The following KIAA1328 variants were observed in gnomAD, a reference collection of about 807,000 sequenced individuals.
The protein encoded by KIAA1328 is protein hinderin.
In KIAA1328, 52 loss-of-function variants were observed where a neutral mutation model predicts 68.1. The observed-to-expected ratio is 0.76, with a 90% CI of 0.61 to 0.96. KIAA1328 has a LOEUF of 0.96. Ranked by LOEUF, KIAA1328 falls within the 40% of genes least tolerant of loss-of-function variation. The pLI is 0.00. For missense variants in KIAA1328, 641 were observed against 677.6 expected (o/e 0.95, Z 0.60); for synonymous variants, 232 against 239.4 (o/e 0.97, Z 0.28).
intron 5 of KIAA1328, among the ~76,000 whole-genome samples, chr18:36,934,399 T>C (rs1037157561): frequency 8.5e-5 from 13 of 152,130 alleles, no homozygotes; most frequent in African/African-American, 2.9e-4. Flanking sequence ...CATGCTGGTG[T>C]GCTGCACCCA....
chr18:37,151,764 G>A (rs75578848), intron 7 of KIAA1328, among the ~76,000 whole-genome samples: 1 of 152,142 alleles, frequency 6.6e-6, no homozygotes, highest in East Asian at 1.9e-4. Context: ...TCACATCCTA[G>A]CCAAAAAATA....
At chr18:36,921,467 C>G (rs8097588) in intron 5 of KIAA1328, among the ~76,000 whole-genome samples, 142,277 of 152,180 alleles carry the variant, frequency 0.93, 67,255 homozygotes, top group East Asian at 1. Flanking sequence ...GCAGTGGCGT[C>G]ATATCGGCTC....
At chr18:36,872,870 C>T (rs2047993993) in intron 4 of KIAA1328, among the ~76,000 whole-genome samples, 2 of 152,104 alleles carry the variant, frequency 1.3e-5, no homozygotes, top group South Asian at 4.1e-4. Flanking sequence ...CAAAATTTAG[C>T]AACTTAAAAC....
At chr18:37,079,350 G>A (rs1303572695) in intron 7 of KIAA1328, among the ~76,000 whole-genome samples, 1 of 122,060 alleles carries the variant, frequency 8.2e-6, no homozygotes, top group African/African-American at 4.1e-5. Context: ...GGAGAGGGGA[G>A]GGATAGCTTT....
intron 7 of KIAA1328, among the ~76,000 whole-genome samples, chr18:37,144,923 C>G (rs2058861141): frequency 6.6e-6 from 1 of 151,948 alleles, no homozygotes; most frequent in African/African-American, 2.4e-5. Flanking sequence ...TTTTTCTTTA[C>G]CTATGGGTTA....
intron 5 of KIAA1328, among the ~76,000 whole-genome samples, chr18:36,947,186 G>C (rs1188931330): frequency 2.0e-5 from 3 of 152,080 alleles, no homozygotes; most frequent in African/African-American, 4.8e-5. Flanking sequence ...GAAATGAATT[G>C]TATTACATGG....
In KIAA1328 at chr18:37,224,568, A is replaced by G. The variant is rs1470144378; in HGVS notation, c.*2341A>G. ...GTCTTCATTATTAATTGAATAGTAC[A>G]TGTTAACATTTTAATCTATTTAAAT... On this transcript the variant is annotated 3_prime_UTR_variant, in exon 10 of 10. Transcript: ENST00000280020. 2.1e-6 allele frequency: 2 copies of G among 967,664 alleles called. No homozygotes were observed. Among genetic ancestry groups the G allele is most frequent in the East Asian group, 1.1e-4 (1 of 8,746 alleles). The allele number at this position is 967,664 out of a possible 1,614,324, so 59.9% of individuals were successfully genotyped here.
intron 5 of KIAA1328, among the ~76,000 whole-genome samples, chr18:36,909,956 C>T (rs894048388): frequency 4.6e-5 from 7 of 152,130 alleles, no homozygotes; most frequent in Non-Finnish European, 8.8e-5. Flanking sequence ...TGTTCATATC[C>T]TTCACCCACT....
intron 9 of KIAA1328, among the ~76,000 whole-genome samples, chr18:37,218,295 T>A (rs537458492): frequency 2.4e-4 from 36 of 152,330 alleles, no homozygotes; most frequent in African/African-American, 8.2e-4. Flanking sequence ...CTTCATACAT[T>A]GTTTGCTCCA....
chr18:36,896,421 C>G (rs893016668), intron 5 of KIAA1328, among the ~76,000 whole-genome samples: 4 of 152,070 alleles, frequency 2.6e-5, no homozygotes, highest in Non-Finnish European at 5.9e-5. Flanking sequence ...AGGCTCCAGA[C>G]GTGGAACCTT....
chr18:37,138,611 T>C (rs2058696352), intron 7 of KIAA1328, among the ~76,000 whole-genome samples: 1 of 152,100 alleles, frequency 6.6e-6, no homozygotes, highest in African/African-American at 2.4e-5. Context: ...TTTTCTTACC[T>C]CACTCCCTTC....
chr18:36,988,046 A>G (rs1196444730), intron 6 of KIAA1328, among the ~76,000 whole-genome samples: 2 of 152,256 alleles, frequency 1.3e-5, no homozygotes, highest in African/African-American at 4.8e-5. Flanking sequence ...TATATTCCTG[A>G]CAAAGTGGAA....
intron 4 of KIAA1328, among the ~76,000 whole-genome samples, chr18:36,884,009 A>T (rs931428487): frequency 1.4e-5 from 2 of 143,304 alleles, no homozygotes; most frequent in Non-Finnish European, 1.5e-5. Flanking sequence ...AGTGAAAGAA[A>T]TTCTGGAACT....
chr18:37,144,717 T>C (rs1355404461), intron 7 of KIAA1328, among the ~76,000 whole-genome samples: 1 of 151,762 alleles, frequency 6.6e-6, no homozygotes, highest in African/African-American at 2.4e-5. Flanking sequence ...TTTTGTAGAG[T>C]TGGGGTTTCG....
intron 5 of KIAA1328, among the ~76,000 whole-genome samples, chr18:36,924,526 A>G (rs1343266252): frequency 6.6e-6 from 1 of 152,202 alleles, no homozygotes; most frequent in East Asian, 1.9e-4. Flanking sequence ...TTGAAAAGAG[A>G]AAACGAGTAT....
rs544809407 is a variant in KIAA1328 at position 37,192,924 on chromosome 18, G to A, written c.1523+19843G>A. Among the ~76,000 whole-genome samples, 9 of 152,264 alleles carry A rather than the reference G, an allele frequency of 5.9e-5. No homozygotes were observed. The South Asian group carries it at 1.9e-3, about 32-fold the overall frequency. Reference sequence around the variant, plus strand: ...GCTTTGTCTGCACACAGGAAGAAAAGAAATAAAGGAAGAAAAGAAATTCTT... The same window carrying A: ...GCTTTGTCTGCACACAGGAAGAAAAAAAATAAAGGAAGAAAAGAAATTCTT... On this transcript the variant is annotated intron_variant, in intron 9 of 9. Coordinates refer to ENST00000280020, the MANE Select transcript of KIAA1328 (RefSeq NM_020776.3).
At chr18:37,031,193 T>C (rs1344610274) in intron 6 of KIAA1328, among the ~76,000 whole-genome samples, 4 of 152,232 alleles carry the variant, frequency 2.6e-5, no homozygotes, top group Admixed American at 2.0e-4. Context: ...TTTGGGTATA[T>C]ACCTTTATAG....
intron 7 of KIAA1328, among the ~76,000 whole-genome samples, chr18:37,148,539 C>T (rs1207597873): frequency 3.3e-5 from 5 of 152,126 alleles, no homozygotes; most frequent in African/African-American, 9.7e-5. Flanking sequence ...CTTGAGGAAT[C>T]GCCACACTGT....
At chr18:37,016,412 A>T (rs564617069) in intron 6 of KIAA1328, among the ~76,000 whole-genome samples, 1 of 152,270 alleles carries the variant, frequency 6.6e-6, no homozygotes, top group South Asian at 2.1e-4. Flanking sequence ...TGTCTTCATC[A>T]GAGACATTGG....
Sources: gnomAD v4.1 joint callset for allele counts (sites outside exome capture counted in the v4.1 genomes callset) on GRCh38, gnomAD v4.1.1 for gene constraint, MANE v1.5 for transcripts, NCBI Gene and HGNC (gene_info 2026-07-23, HGNC 2026-07-21) for gene names.